Variants in WDFY4 observed in about 807,000 individuals in gnomAD.
The protein encoded by WDFY4 is WD repeat- and FYVE domain-containing protein 4.
WDFY4 carries 169 observed loss-of-function variants against 351.9 expected under a neutral mutation model. The ratio of observed to expected loss-of-function variants is 0.48; its 90% CI spans 0.42 to 0.55. The LOEUF is 0.55. Ranked by LOEUF, WDFY4 falls within the 20% of genes least tolerant of loss-of-function variation. WDFY4 has a pLI of 0.00. For missense variants in WDFY4, 3,803 were observed against 3,935.6 expected (o/e 0.97, Z 0.90); for synonymous variants, 1,622 against 1,574.6 (o/e 1.03, Z -0.71).
chr10:48,955,550 G>T (rs78293511), intron 51 of WDFY4, among the ~76,000 whole-genome samples: 1 of 152,342 alleles, frequency 6.6e-6, no homozygotes, highest in African/African-American at 2.4e-5. Context: ...GGCAAAGCAC[G>T]CCCTGTGGAG....
chr10:48,959,650 T>C (rs1841768766), intron 52 of WDFY4, 72 bp from the exon 53 acceptor site: 1 of 1,361,752 alleles, frequency 7.3e-7, no homozygotes, highest in South Asian at 1.2e-5. Context: ...CTGGGCAATG[T>C]GTATTTTACA....
chr10:48,810,457 A>G (rs988425943), intron 28 of WDFY4, 73 bp from the exon 29 acceptor site: 19 of 1,416,966 alleles, frequency 1.3e-5, no homozygotes, highest in Admixed American at 2.5e-5. Context: ...GTAAGGCTGG[A>G]CATTTCATAT....
Position 48,832,608 on chromosome 10 carries a change from G to A in WDFY4, c.6562G>A (p.Val2188Ile), listed in dbSNP as rs1205925941. Reference protein sequence around the residue: ...EKKSLASRSNVAHHSKVTLWS... With the variant: ...EKKSLASRSNIAHHSKVTLWS... ...GAAGTCACTGGCAAGTCGTTCAAAT[G>A]TTGCACACCACAGCAAAGTCACTTT... The change falls in exon 39 of 62, where the codon GTT becomes ATT. Residue 2188 changes from valine to isoleucine, a missense_variant. By Grantham distance (29) the Val-to-Ile change is conservative (BLOSUM62 3). Transcript: ENST00000325239. The A allele has an allele frequency of 2.6e-6, 4 of 1,549,842 alleles. No individual in the cohort carries two copies. The highest frequency in any genetic ancestry group is 3.5e-6 in the Non-Finnish European group (4 of 1,145,860).
At chr10:48,908,742 A>G (rs1304993823) in intron 47 of WDFY4, among the ~76,000 whole-genome samples, 2 of 152,140 alleles carry the variant, frequency 1.3e-5, no homozygotes, top group African/African-American at 4.8e-5. Context: ...CATTTTATAT[A>G]GCTATAGCAC....
chr10:48,965,348 A>G (rs1391358584), intron 54 of WDFY4, among the ~76,000 whole-genome samples: 2 of 152,198 alleles, frequency 1.3e-5, no homozygotes, highest in African/African-American at 4.8e-5. Context: ...TCCCAGTCTG[A>G]AGACAAGATT....
At chr10:48,716,394 T>C (rs1291317708) in intron 2 of WDFY4, among the ~76,000 whole-genome samples, 1 of 152,248 alleles carries the variant, frequency 6.6e-6, no homozygotes, top group Non-Finnish European at 1.5e-5. Context: ...GGGACAGCCA[T>C]GAGGCACGAT....
chr10:48,844,032 G>A (rs545404939), intron 39 of WDFY4, among the ~76,000 whole-genome samples: 125 of 152,322 alleles, frequency 8.2e-4, no homozygotes, highest in African/African-American at 2.8e-3. Flanking sequence ...TTCACAACCC[G>A]CTAGGCCCCC....
chr10:48,787,890 T>TCTC (rs1405123408), intron 20 of WDFY4, among the ~76,000 whole-genome samples: 2 of 72,778 alleles, frequency 2.7e-5, no homozygotes, highest in Non-Finnish European at 4.7e-5. Flanking sequence ...TTCTTCTTCT[T>TCTC]CTCCTTCTTC....
intron 7 of WDFY4, among the ~76,000 whole-genome samples, chr10:48,727,873 T>C (rs1422764728): frequency 6.6e-6 from 1 of 152,238 alleles, no homozygotes; most frequent in Non-Finnish European, 1.5e-5. Context: ...TAGGCACCTG[T>C]CACCTGCATG....
At chr10:48,813,880 A>C in intron 30 of WDFY4, 77 bp from the exon 31 acceptor site, 2 of 1,404,812 alleles carry the variant, frequency 1.4e-6, no homozygotes, top group South Asian at 3.1e-5. Flanking sequence ...CCCTGGAAAC[A>C]TGATGAACTG....
At chr10:48,774,394 T>C (rs2065961935) in intron 13 of WDFY4, 64 bp from the exon 14 acceptor site, 1 of 1,523,936 alleles carries the variant, frequency 6.6e-7, no homozygotes, top group Non-Finnish European at 8.9e-7. Context: ...AGTTGGAGCC[T>C]ATAAAAGCTG....
rs74855387 is a variant in WDFY4 at position 48,765,201 on chromosome 10, T to C, written c.2553+4761T>C. On this transcript the variant is annotated intron_variant, in intron 13 of 61. Coordinates refer to ENST00000325239, the MANE Select transcript of WDFY4 (RefSeq NM_001394531.1). ...GCTAAGAGAATTTAACTTTATTGGGTTGCCATTCATTGACATCACTGTCAA... is the reference window on the plus strand; with the variant it reads ...GCTAAGAGAATTTAACTTTATTGGGCTGCCATTCATTGACATCACTGTCAA... 3.4e-3 allele frequency among the ~76,000 whole-genome samples: 514 copies of C among 152,284 alleles called. 6 individuals carry two copies. The East Asian group carries it at 0.035, about 10-fold the overall frequency.
intron 59 of WDFY4, among the ~76,000 whole-genome samples, chr10:48,977,404 T>C (rs1216844777): frequency 1.3e-5 from 2 of 151,886 alleles, no homozygotes; most frequent in African/African-American, 4.8e-5. Flanking sequence ...CACCCATCCA[T>C]CTCTCTATCC....
At chr10:48,982,407 C>T (rs538948633) in intron 61 of WDFY4, 102 bp from the exon 62 acceptor site, 2 of 1,054,264 alleles carry the variant, frequency 1.9e-6, no homozygotes, top group Non-Finnish European at 2.6e-6. Context: ...GCAAGCTCCG[C>T]TGGGCCCCAG....
chr10:48,865,237 C>A (rs2069502277), intron 39 of WDFY4, among the ~76,000 whole-genome samples: 1 of 152,098 alleles, frequency 6.6e-6, no homozygotes, highest in East Asian at 1.9e-4. Flanking sequence ...TGAGAAAATT[C>A]TTTTTCCCCA....
chr10:48,933,725 C>T (rs1258359539), intron 47 of WDFY4, among the ~76,000 whole-genome samples: 1 of 152,126 alleles, frequency 6.6e-6, no homozygotes, highest in African/African-American at 2.4e-5. Flanking sequence ...ATTGCATTGG[C>T]AATGGGCTGA....
intron 57 of WDFY4, among the ~76,000 whole-genome samples, chr10:48,970,932 C>A (rs143276934): frequency 5.3e-5 from 8 of 152,294 alleles, no homozygotes; most frequent in African/African-American, 1.9e-4. Flanking sequence ...CGGCACTTAA[C>A]GTTTGCTTAA....
intron 23 of WDFY4, among the ~76,000 whole-genome samples, chr10:48,792,025 C>T (rs1476098417): frequency 6.6e-6 from 1 of 152,182 alleles, no homozygotes; most frequent in Non-Finnish European, 1.5e-5. Flanking sequence ...ATCCCAAACT[C>T]CCTAGACAGG....
intron 1 of WDFY4, among the ~76,000 whole-genome samples, chr10:48,707,284 A>T (rs2063656122): frequency 6.6e-6 from 1 of 152,156 alleles, no homozygotes; most frequent in Admixed American, 6.5e-5. Context: ...GCAGGGTGGT[A>T]ATGAGGTCAC....
Sources: gnomAD v4.1 joint callset for allele counts (sites outside exome capture counted in the v4.1 genomes callset) on GRCh38, gnomAD v4.1.1 for gene constraint, MANE v1.5 for transcripts, NCBI Gene and HGNC (gene_info 2026-07-23, HGNC 2026-07-21) for gene names.